Variants in SUGCT observed in about 807,000 individuals in gnomAD.
SUGCT encodes succinyl-CoA:glutarate-CoA transferase.
SUGCT carries 41 observed loss-of-function variants against 55.0 expected under a neutral mutation model. The ratio of observed to expected loss-of-function variants is 0.74; its 90% CI spans 0.58 to 0.97. The LOEUF (loss-of-function observed/expected upper bound fraction) is 0.97. Ranked by LOEUF, SUGCT falls within the 50% of genes least tolerant of loss-of-function variation. The pLI, the probability that SUGCT is intolerant of heterozygous loss-of-function variation, is 0.00. For synonymous variants in SUGCT, 187 were observed against 200.4 expected, an observed-to-expected ratio of 0.93 and a Z score of 0.56; for missense variants, 568 against 547.8, an observed-to-expected ratio of 1.04 and a Z score of -0.37.
intron 12 of SUGCT, among the ~76,000 whole-genome samples, chr7:40,529,584 C>A (rs895587411): frequency 6.6e-5 from 10 of 152,156 alleles, no homozygotes; most frequent in African/African-American, 2.4e-4. Context: ...GCCCTGAGAA[C>A]CCAGAGGAGA....
At chr7:40,320,128 A>G (rs1360556381) in intron 9 of SUGCT, among the ~76,000 whole-genome samples, 15 of 150,368 alleles carry the variant, frequency 1.0e-4, no homozygotes, top group African/African-American at 3.4e-4. Context: ...TTTTTTTGAG[A>G]TAGAGTCTCG....
intron 12 of SUGCT, among the ~76,000 whole-genome samples, chr7:40,654,216 C>A (rs547024117): frequency 3.3e-5 from 5 of 152,110 alleles, no homozygotes; most frequent in Non-Finnish European, 7.4e-5. Flanking sequence ...GAGAACTAGT[C>A]TTTTGCTGTT....
intron 13 of SUGCT, among the ~76,000 whole-genome samples, chr7:40,858,564 C>T (rs528076076): frequency 3.9e-5 from 6 of 152,156 alleles, no homozygotes; most frequent in South Asian, 2.1e-4. Flanking sequence ...TTTTGATAGA[C>T]GGGTTTTAGA....
chr7:40,496,893 G>A (rs1192160869), intron 12 of SUGCT, among the ~76,000 whole-genome samples: 1 of 125,266 alleles, frequency 8.0e-6, no homozygotes, highest in East Asian at 1.9e-4. Flanking sequence ...ATGAATATGT[G>A]TTATTTGTAA....
chr7:40,474,400 G>C (rs1290566875), intron 11 of SUGCT, among the ~76,000 whole-genome samples: 1 of 152,134 alleles, frequency 6.6e-6, no homozygotes, highest in African/African-American at 2.4e-5. Context: ...TCTAAAAACT[G>C]TGTGTACATA....
intron 13 of SUGCT, among the ~76,000 whole-genome samples, chr7:40,854,484 C>CTTTCTCTCTT (rs1285728770): frequency 8.5e-5 from 9 of 106,238 alleles, no homozygotes; most frequent in Admixed American, 2.0e-4. Context: ...TTCTCTTTCT[C>CTTTCTCTCTT]TCTTTCTTTC....
intron 1 of SUGCT, among the ~76,000 whole-genome samples, chr7:40,157,944 C>T (rs1254003874): frequency 1.3e-5 from 2 of 152,202 alleles, no homozygotes; most frequent in East Asian, 3.8e-4. Flanking sequence ...CACAGTTGCT[C>T]ACGCCTGTAA....
chr7:40,614,194 C>G (rs1798893237), intron 12 of SUGCT, among the ~76,000 whole-genome samples: 1 of 151,886 alleles, frequency 6.6e-6, no homozygotes. Flanking sequence ...CTTGCTTTCC[C>G]TAAATTTTGT....
the SUGCT span, among the ~76,000 whole-genome samples, chr7:41,013,483 T>TGAG: frequency 6.6e-6 from 1 of 152,164 alleles, no homozygotes; most frequent in Non-Finnish European, 1.5e-5. Context: ...TTCTGACTCC[T>TGAG]GAGGAGGAGC....
chr7:40,922,166 A>G, the SUGCT span, among the ~76,000 whole-genome samples: 10,231 of 152,184 alleles, frequency 0.067, 1,155 homozygotes, highest in African/African-American at 0.23. Context: ...GAGTTCCTTA[A>G]TGATTAAGCT....
chr7:40,947,536 G>T, the SUGCT span, among the ~76,000 whole-genome samples: 1 of 150,864 alleles, frequency 6.6e-6, no homozygotes, highest in East Asian at 2.0e-4. Flanking sequence ...GCATGTCTAA[G>T]AATTTTTCTG....
intron 12 of SUGCT, among the ~76,000 whole-genome samples, chr7:40,669,694 G>A (rs182647743): frequency 1.3e-5 from 2 of 150,096 alleles, no homozygotes; most frequent in African/African-American, 4.9e-5. Flanking sequence ...CAGAATGAAG[G>A]GAACCAAGAA....
intron 12 of SUGCT, among the ~76,000 whole-genome samples, chr7:40,690,829 C>T (rs1452461217): frequency 3.9e-5 from 6 of 152,118 alleles, no homozygotes; most frequent in African/African-American, 1.4e-4. Flanking sequence ...CCACACTCCT[C>T]AGCCTCCCAA....
At chr7:40,158,650 T>TG (rs1784009894) in intron 1 of SUGCT, among the ~76,000 whole-genome samples, 1 of 152,030 alleles carries the variant, frequency 6.6e-6, no homozygotes, top group South Asian at 2.1e-4. Context: ...CTCGGGAGGC[T>TG]GAGACAGGAG....
chr7:40,747,785 T>G (rs1164118143), intron 12 of SUGCT, among the ~76,000 whole-genome samples: 1 of 149,966 alleles, frequency 6.7e-6, no homozygotes, highest in Non-Finnish European at 1.5e-5. Flanking sequence ...CCTCCAATTG[T>G]TTTTTTTTAA....
intron 8 of SUGCT, among the ~76,000 whole-genome samples, chr7:40,296,633 GT>G (rs1794169254): frequency 2.0e-5 from 1 of 49,276 alleles, no homozygotes; most frequent in East Asian, 2.6e-4. Context: ...GTGTGTGTGT[GT>G]GTGTGTGTGT....
chr7:40,490,660 C>G (rs1264609745), intron 11 of SUGCT, among the ~76,000 whole-genome samples: 2 of 152,148 alleles, frequency 1.3e-5, no homozygotes, highest in Non-Finnish European at 2.9e-5. Flanking sequence ...AGGAGTTCAG[C>G]TATACAATGC....
chr7:40,179,702 G>A (rs987307406), intron 1 of SUGCT, among the ~76,000 whole-genome samples: 2 of 152,204 alleles, frequency 1.3e-5, no homozygotes, highest in African/African-American at 2.4e-5. Context: ...GGCCTCAGCC[G>A]GGACTGCTGC....
chr7:40,372,850 A>G (rs1019748779), intron 9 of SUGCT, among the ~76,000 whole-genome samples: 2 of 152,078 alleles, frequency 1.3e-5, no homozygotes, highest in African/African-American at 4.8e-5. Flanking sequence ...TGCTCAAATA[A>G]CGGAAAAGAT....
Sources: gnomAD v4.1 joint callset for allele counts (sites outside exome capture counted in the v4.1 genomes callset) on GRCh38, gnomAD v4.1.1 for gene constraint, MANE v1.5 for transcripts, NCBI Gene and HGNC (gene_info 2026-07-23, HGNC 2026-07-21) for gene names.